TAPBPL: variants seen among roughly 807,000 people sequenced by gnomAD.
TAPBPL encodes TAP binding protein like.
A neutral mutation model predicts 44.8 loss-of-function variants in TAPBPL; 32 were observed. The ratio of observed to expected loss-of-function variants is 0.71; its 90% CI spans 0.54 to 0.96. TAPBPL has a LOEUF of 0.96. Ranked by LOEUF, TAPBPL falls within the 40% of genes least tolerant of loss-of-function variation. The probability of loss-of-function intolerance (pLI) is 0.00; values close to 1 mark genes in which losing one functional copy is unlikely to be tolerated. For synonymous variants in TAPBPL, 230 were observed against 240.7 expected, an observed-to-expected ratio of 0.96 and a Z score of 0.41; for missense variants, 520 against 586.6, an observed-to-expected ratio of 0.89 and a Z score of 1.17.
upstream of TAPBPL, chr12:6,451,975 CA>C: frequency 3.8e-6 from 2 of 525,550 alleles, no homozygotes; most frequent in Non-Finnish European, 3.5e-6. Context: ...TTGAAATCAC[CA>C]GGGGATTTCC....
At chr12:6,461,704 G>A (rs530171108) in intron 6 of TAPBPL, among the ~76,000 whole-genome samples, 3 of 152,312 alleles carry the variant, frequency 2.0e-5, no homozygotes, top group East Asian at 1.9e-4. Flanking sequence ...CTGCTCCCTC[G>A]GGTGACTGCT....
downstream of TAPBPL, chr12:6,462,563 G>A: frequency 1.8e-6 from 1 of 555,076 alleles, no homozygotes; most frequent in Non-Finnish European, 3.2e-6. Context: ...CAGGGTGGGT[G>A]AGAAAGAAAG....
Position 6,457,427 on chromosome 12 carries a change from A to T in TAPBPL, c.587A>T (p.Gln196Leu). Residue 196 changes from glutamine (Q) to leucine (L), a missense_variant, in exon 4 of 7, where the codon CAG (glutamine) becomes CTG (leucine). Physicochemically the swap from Gln to Leu is moderately radical, Grantham distance 113. Transcript: ENST00000266556. The stretch of plus-strand genomic sequence containing the variant: ...ACAGTGGAGTTCCAGGTGATGACAC[A>T]GACCCAATCCCTGAGCTTCCTGCTG... The part of the protein sequence containing the change: ...RTAVEFQVMT[Q>L]TQSLSFLLGS... 6.2e-7 allele frequency: 1 copy of T among 1,614,116 alleles called. No individual in the cohort carries two copies. Among genetic ancestry groups the T allele is most frequent in the Middle Eastern group, 1.6e-4 (1 of 6,062 alleles).
At chr12:6,458,622 C>T in intron 4 of TAPBPL, 23 bp from the exon 5 acceptor site, 3 of 1,610,828 alleles carry the variant, frequency 1.9e-6, no homozygotes, top group Non-Finnish European at 2.5e-6. Context: ...CATGTGTAAT[C>T]TTATTCCTCA....
chr12:6,461,406 G>A, intron 6 of TAPBPL: 1 of 1,001,076 alleles, frequency 1.0e-6, no homozygotes, highest in South Asian at 4.0e-5. Context: ...TGGTGTGACG[G>A]TAGGAAAACA....
chr12:6,467,288 CAGA>C (rs1398854699), downstream of TAPBPL, among the ~76,000 whole-genome samples: 2 of 152,072 alleles, frequency 1.3e-5, no homozygotes, highest in Non-Finnish European at 2.9e-5. Flanking sequence ...TTGGAGGGCT[CAGA>C]AGAAGACAGG....
At position 6,453,443 on chromosome 12, in the gene TAPBPL, C is replaced by T; in HGVS notation, c.296-4C>T. 6.2e-7 allele frequency: 1 copy of T among 1,613,964 alleles called. No homozygotes were observed. Among genetic ancestry groups the T allele is most frequent in the Non-Finnish European group, 8.5e-7 (1 of 1,179,900 alleles). ...CCCTCTGTGTGTGCCCTGCTTCTCCCCAGTGGACCTGGTCCAGATTCCCCA... is the reference window on the plus strand; with the variant it reads ...CCCTCTGTGTGTGCCCTGCTTCTCCTCAGTGGACCTGGTCCAGATTCCCCA... On this transcript the variant is annotated splice_region_variant and splice_polypyrimidine_tract_variant and intron_variant, in intron 2 of 6. Coordinates refer to ENST00000266556, the MANE Select transcript of TAPBPL (RefSeq NM_018009.5). This position sits in a 1 kb window ranked among gnomAD's most constrained non-coding sequence, Gnocchi z 4.8.
Position 6,453,809 on chromosome 12 carries a change from G to A in TAPBPL, c.565+93G>A. ...GAGGTCGGTGGATCACCTGAGGTCA[G>A]GAGTTTGAGATCAGCCTGGTCAACA... is the stretch of plus-strand genomic sequence containing the variant. On this transcript the variant is annotated intron_variant, in intron 3 of 6. Transcript: ENST00000266556. The surrounding 1 kb of genome is among the most constrained non-coding windows in gnomAD (Gnocchi z 4.8). The A allele has an allele frequency of 7.0e-7, 1 of 1,420,786 alleles. No individual in the cohort carries two copies. Among genetic ancestry groups the A allele is most frequent in the South Asian group, 1.5e-5 (1 of 68,300 alleles). 88.0% of individuals were successfully genotyped at this position (1,420,786 alleles called of 1,614,324 possible). A position where few individuals can be genotyped will look rare whatever the true frequency, so the allele number is the denominator to read the frequency against.
downstream of TAPBPL, among the ~76,000 whole-genome samples, chr12:6,467,875 C>T (rs1184452425): frequency 6.6e-6 from 1 of 152,266 alleles, no homozygotes; most frequent in Non-Finnish European, 1.5e-5. Context: ...GTGGAAGCCC[C>T]AAGCCTTGGC....
intron 4 of TAPBPL, 64 bp from the exon 5 acceptor site, chr12:6,458,581 T>C: frequency 1.3e-6 from 2 of 1,564,702 alleles, no homozygotes; most frequent in Admixed American, 1.7e-5. Context: ...AAGAAAAGGC[T>C]TCAGGCTCCT....
downstream of TAPBPL, chr12:6,471,041 A>C: frequency 6.5e-6 from 1 of 153,822 alleles, no homozygotes; most frequent in Non-Finnish European, 1.4e-5. The surrounding 1 kb of genome is among the most constrained non-coding windows in gnomAD (Gnocchi z 4.0). Flanking sequence ...CCCCTGCCCC[A>C]CCCCGCGCCG....
downstream of TAPBPL, chr12:6,463,959 G>A: frequency 7.8e-7 from 1 of 1,290,152 alleles, no homozygotes; most frequent in African/African-American, 1.5e-5. This position sits in a 1 kb window ranked among gnomAD's most constrained non-coding sequence, Gnocchi z 4.0. Context: ...GTTGGACTTT[G>A]GTCCACCCCC....
At chr12:6,469,836 A>G (rs990451457), downstream of TAPBPL, among the ~76,000 whole-genome samples, 2 of 152,190 alleles carry the variant, frequency 1.3e-5, no homozygotes, top group African/African-American at 2.4e-5. Flanking sequence ...AAAGGGGGAA[A>G]GCTCAGCTCT....
At position 6,453,003 on chromosome 12, in the gene TAPBPL, G is replaced by T; in HGVS notation, c.65-64G>T. Reference sequence around the variant, plus strand: ...ATGACTCCACAGCTTGAGGGCGGGGGCAGGAAGCAAGTGTGGAGTAGCTTT... The same window carrying T: ...ATGACTCCACAGCTTGAGGGCGGGGTCAGGAAGCAAGTGTGGAGTAGCTTT... On this transcript the variant is annotated intron_variant, in intron 1 of 6. Coordinates refer to ENST00000266556, the MANE Select transcript of TAPBPL (RefSeq NM_018009.5). This position sits in a 1 kb window ranked among gnomAD's most constrained non-coding sequence, Gnocchi z 4.8. The T allele has an allele frequency of 2.0e-6, 3 of 1,466,176 alleles. No homozygotes were observed. The highest frequency in any genetic ancestry group is 2.8e-6 in the Non-Finnish European group (3 of 1,083,334). 90.8% of individuals were successfully genotyped at this position (1,466,176 alleles called of 1,614,324 possible). A position where few individuals can be genotyped will look rare whatever the true frequency, so the allele number is the denominator to read the frequency against.
Position 6,458,992 on chromosome 12 carries a change from A to G in TAPBPL, c.1207+45A>G, listed in dbSNP as rs374033541. The G allele has an allele frequency of 2.5e-6, 4 of 1,583,912 alleles. No homozygotes were observed. In the African/African-American group the frequency reaches 5.4e-5, roughly 21 times the overall value. ...TTTCCCCACCTCCACACTAGGGCTC[A>G]TGGCTCTCCTGCCCCAGCTCATCTA... On this transcript the variant is annotated intron_variant, in intron 5 of 6. Transcript: ENST00000266556.
chr12:6,460,688 C>A (rs942006210), intron 5 of TAPBPL, among the ~76,000 whole-genome samples, 167 bp from the exon 6 acceptor site: 1 of 152,184 alleles, frequency 6.6e-6, no homozygotes, highest in Non-Finnish European at 1.5e-5. Context: ...TATCCAGCAA[C>A]CTTGAATAAG....
downstream of TAPBPL, chr12:6,463,565 C>T (rs1949933955): frequency 5.7e-6 from 6 of 1,056,662 alleles, no homozygotes; most frequent in African/African-American, 1.7e-5. The surrounding 1 kb of genome is among the most constrained non-coding windows in gnomAD (Gnocchi z 4.0). Context: ...GAGCTTGTTA[C>T]TTTCAAATTA....
intron 3 of TAPBPL, among the ~76,000 whole-genome samples, chr12:6,454,233 C>G (rs3782729): frequency 0.15 from 23,331 of 151,938 alleles, 2,102 homozygotes; most frequent in East Asian, 0.31. Flanking sequence ...CTTTGGGAGG[C>G]CAAGGCAGGT....
At chr12:6,464,866 A>C (rs1418099689), downstream of TAPBPL, 2 of 1,613,958 alleles carry the variant, frequency 1.2e-6, no homozygotes, top group East Asian at 4.5e-5. Context: ...TCTTCACCCC[A>C]CCAGCAACTT....
Sources: gnomAD v4.1 joint callset for allele counts (sites outside exome capture counted in the v4.1 genomes callset) on GRCh38, gnomAD v4.1.1 for gene constraint, Gnocchi (gnomAD v3.1) non-coding constraint, MANE v1.5 for transcripts, NCBI Gene and HGNC (gene_info 2026-07-23, HGNC 2026-07-21) for gene names.